The following GFRAL variants were observed in gnomAD, a reference collection of about 807,000 sequenced individuals.
GFRAL encodes the protein GDNF family receptor alpha-like.
Under a neutral mutation model 45.4 loss-of-function variants are expected in GFRAL, and 36 were observed. The ratio of observed to expected loss-of-function variants is 0.79; its 90% CI spans 0.61 to 1.05. GFRAL has a LOEUF of 1.05. GFRAL is among the 50% of genes least tolerant of loss of function. GFRAL has a pLI of 0.00. For missense variants in GFRAL, 507 were observed against 467.5 expected (o/e 1.08, Z -0.78); for synonymous variants, 166 against 154.1 (o/e 1.08, Z -0.57).
At chr6:55,362,750 T>A (rs962215573) in intron 6 of GFRAL, among the ~76,000 whole-genome samples, 7 of 152,132 alleles carry the variant, frequency 4.6e-5, no homozygotes, top group South Asian at 2.1e-4. Context: ...AGCTTTTTTT[T>A]ATTTAAATAC....
At chr6:55,373,087 C>CAAA (rs571971780) in intron 6 of GFRAL, among the ~76,000 whole-genome samples, 16 of 127,630 alleles carry the variant, frequency 1.3e-4, no homozygotes, top group African/African-American at 4.3e-4. Context: ...AGCAAAACCT[C>CAAA]AAAAAAAAAA....
At chr6:55,350,024 G>T in intron 3 of GFRAL, 68 bp from the exon 4 acceptor site, 2 of 890,160 alleles carry the variant, frequency 2.2e-6, no homozygotes. Flanking sequence ...TATAAATGTG[G>T]CCCACGTTTT....
intron 6 of GFRAL, among the ~76,000 whole-genome samples, chr6:55,362,203 G>T (rs1201341476): frequency 2.6e-5 from 4 of 151,224 alleles, no homozygotes; most frequent in African/African-American, 9.7e-5. Flanking sequence ...TCTACATTGG[G>T]TGTGGTATAG....
intron 6 of GFRAL, among the ~76,000 whole-genome samples, chr6:55,367,676 T>C (rs866809626): frequency 1.4e-5 from 2 of 147,480 alleles, no homozygotes; most frequent in South Asian, 2.1e-4. Context: ...GTCTGTAAAG[T>C]ATTTTATTTC....
chr6:55,333,926 A>T lies in GFRAL; in HGVS notation c.298A>T (p.Lys100Ter). The T allele has an allele frequency of 1.9e-6, 3 of 1,544,298 alleles. No individual in the cohort carries two copies. Among genetic ancestry groups the T allele is most frequent in the Non-Finnish European group, 2.6e-6 (3 of 1,144,500 alleles). Residue 100 changes from lysine (K) to a stop codon, truncating the protein, a stop_gained, in exon 3 of 9, where the codon AAA becomes TAA. Transcript: ENST00000340465. LOFTEE classifies it high-confidence loss of function. ...TACTGTGAACAAACTGCTTGGAAAAAAATGTATCAATAAATCAGGTAATAT... is the reference window on the plus strand; with the variant it reads ...TACTGTGAACAAACTGCTTGGAAAATAATGTATCAATAAATCAGGTAATAT... ...YCTVNKLLGK[K>*]CINKSDNVKE...
At chr6:55,371,386 G>T (rs905276) in intron 6 of GFRAL, among the ~76,000 whole-genome samples, 152,291 of 152,310 alleles carry the variant, frequency 1, 76,136 homozygotes, top group Non-Finnish European at 1. Context: ...CCATATACTC[G>T]TCAATAATCA....
chr6:55,337,177 G>C (rs1338287533), intron 3 of GFRAL, among the ~76,000 whole-genome samples: 1 of 151,934 alleles, frequency 6.6e-6, no homozygotes, highest in Non-Finnish European at 1.5e-5. Flanking sequence ...GTCCTGCCAA[G>C]CTTGATCACA....
intron 3 of GFRAL, among the ~76,000 whole-genome samples, chr6:55,337,758 A>G (rs1502212): frequency 0.98 from 148,638 of 152,276 alleles, 72,651 homozygotes; most frequent in East Asian, 1. Context: ...CCTTTTTAAT[A>G]TCTGTAGCAG....
chr6:55,343,387 T>C (rs1217344560), intron 3 of GFRAL, among the ~76,000 whole-genome samples: 1 of 152,084 alleles, frequency 6.6e-6, no homozygotes, highest in East Asian at 1.9e-4. Flanking sequence ...TCCAAACCGC[T>C]CAATTACATG....
chr6:55,356,262 C>G (rs1488320717), intron 5 of GFRAL, among the ~76,000 whole-genome samples: 1 of 151,866 alleles, frequency 6.6e-6, no homozygotes, highest in Non-Finnish European at 1.5e-5. Flanking sequence ...ATTCCCTCCT[C>G]TATTGTTGGA....
chr6:55,362,236 T>G (rs1768284854), intron 6 of GFRAL, among the ~76,000 whole-genome samples: 1 of 151,160 alleles, frequency 6.6e-6, no homozygotes, highest in Non-Finnish European at 1.5e-5. Flanking sequence ...CTGGTTGACT[T>G]GGAGCCCGCT....
At chr6:55,337,205 T>C (rs1368897725) in intron 3 of GFRAL, among the ~76,000 whole-genome samples, 2 of 152,158 alleles carry the variant, frequency 1.3e-5, no homozygotes, top group Non-Finnish European at 2.9e-5. Flanking sequence ...CTTTAGTTTT[T>C]TATATGGCGA....
At chr6:55,330,536 G>T (rs541968631) in intron 1 of GFRAL, among the ~76,000 whole-genome samples, 1 of 152,174 alleles carries the variant, frequency 6.6e-6, no homozygotes, top group Non-Finnish European at 1.5e-5. Context: ...TAATGATTGT[G>T]TTCAGTTTTA....
rs141141286 is a variant in GFRAL, at chr6:55,400,230, T to A, written c.1121+789T>A. On this transcript the variant is annotated intron_variant, in intron 8 of 8. Transcript: ENST00000340465. The stretch of plus-strand genomic sequence containing the variant: ...ACATATGGGTACATGTCTATAAAAT[T>A]TGAGTAGCATAAATGTTAATGAAGA... Among the ~76,000 whole-genome samples the A allele has an allele frequency of 3.6e-3, 543 of 152,252 alleles. 7 individuals are homozygous for A. Among genetic ancestry groups the A allele is most frequent in the African/African-American group, 0.012 (512 of 41,574 alleles).
intron 6 of GFRAL, among the ~76,000 whole-genome samples, chr6:55,363,105 C>G (rs1413161361): frequency 1.4e-5 from 2 of 145,400 alleles, no homozygotes. Flanking sequence ...TTAGTAAATT[C>G]TACAAGAGAT....
intron 6 of GFRAL, among the ~76,000 whole-genome samples, chr6:55,395,571 A>G (rs1768814230): frequency 6.6e-6 from 1 of 152,002 alleles, no homozygotes; most frequent in Non-Finnish European, 1.5e-5. Flanking sequence ...GCTTTAATTA[A>G]AATGAAATGA....
At chr6:55,343,297 C>A (rs765255820) in intron 3 of GFRAL, among the ~76,000 whole-genome samples, 1 of 152,024 alleles carries the variant, frequency 6.6e-6, no homozygotes, top group African/African-American at 2.4e-5. Flanking sequence ...CCTTGGCAAA[C>A]GTAAAAGAAC....
At chr6:55,364,110 C>A (rs1285564550) in intron 6 of GFRAL, among the ~76,000 whole-genome samples, 2 of 147,142 alleles carry the variant, frequency 1.4e-5, no homozygotes, top group African/African-American at 2.6e-5. Flanking sequence ...TTGTTTCCTG[C>A]CTTTTAAATG....
At chr6:55,379,283 A>C (rs1452506537) in intron 6 of GFRAL, among the ~76,000 whole-genome samples, 2 of 151,682 alleles carry the variant, frequency 1.3e-5, no homozygotes, top group Non-Finnish European at 2.9e-5. Context: ...CCAGTACCCA[A>C]GAGTTATCTT....
Sources: gnomAD v4.1 joint callset for allele counts (sites outside exome capture counted in the v4.1 genomes callset) on GRCh38, gnomAD v4.1.1 for gene constraint, MANE v1.5 for transcripts, NCBI Gene and HGNC (gene_info 2026-07-23, HGNC 2026-07-21) for gene names.